The following HDAC9 variants were observed in gnomAD, a reference collection of about 807,000 sequenced individuals.
HDAC9 encodes histone deacetylase 9, also known as MEF-2 interacting transcription repressor (MITR) protein.
Under a neutral mutation model 139.4 loss-of-function variants are expected in HDAC9, and 41 were observed. That is an observed-to-expected ratio of 0.29 (90% CI 0.23 to 0.38). The LOEUF is 0.38. HDAC9 is among the 10% of genes least tolerant of loss of function. HDAC9 has a pLI of 1.00. For missense variants in HDAC9, 1,147 were observed against 1,297.0 expected, an observed-to-expected ratio of 0.88 and a Z score of 1.78; for synonymous variants, 517 against 476.2, an observed-to-expected ratio of 1.09 and a Z score of -1.12.
chr7:18,912,545 T>C (rs1284345692), intron 22 of HDAC9, among the ~76,000 whole-genome samples: 1 of 152,076 alleles, frequency 6.6e-6, no homozygotes, highest in Non-Finnish European at 1.5e-5. Flanking sequence ...CTGGGGATTA[T>C]TTGGCAGTAT....
intron 19 of HDAC9, among the ~76,000 whole-genome samples, chr7:18,833,573 C>G (rs973739196): frequency 6.6e-6 from 1 of 152,146 alleles, no homozygotes; most frequent in African/African-American, 2.4e-5. Context: ...TTGTTTCACC[C>G]TTGTTTACAT....
intron 23 of HDAC9, among the ~76,000 whole-genome samples, chr7:18,945,447 G>A (rs143742232): frequency 3.7e-4 from 57 of 152,170 alleles, no homozygotes; most frequent in African/African-American, 1.2e-3. Context: ...TCTTTTCACC[G>A]TCTTAAAGGT....
At chr7:18,434,989 C>G (rs1317187780) in intron 1 of HDAC9, among the ~76,000 whole-genome samples, 1 of 136,064 alleles carries the variant, frequency 7.3e-6, no homozygotes, top group African/African-American at 2.8e-5. Context: ...TGTAATCAAC[C>G]TATATGTCCA....
chr7:18,881,263 G>C (rs1035678400), intron 22 of HDAC9, among the ~76,000 whole-genome samples: 1 of 151,972 alleles, frequency 6.6e-6, no homozygotes, highest in Non-Finnish European at 1.5e-5. Context: ...TTTAACTCCA[G>C]TTATTACAGA....
At chr7:18,752,841 G>A (rs1788566448) in intron 14 of HDAC9, among the ~76,000 whole-genome samples, 1 of 152,108 alleles carries the variant, frequency 6.6e-6, no homozygotes, top group Admixed American at 6.6e-5. Flanking sequence ...GCCACTTCTG[G>A]TAAGAAGGGT....
At chr7:18,168,897 T>TTGTGTGTGTGTG (rs1201294435) in intron 2 of HDAC9, among the ~76,000 whole-genome samples, 9 of 94,330 alleles carry the variant, frequency 9.5e-5, no homozygotes, top group African/African-American at 4.0e-4. Flanking sequence ...TTTTTTTTTT[T>TTGTGTGTGTGTG]TGTGTGTGTG....
At chr7:18,920,337 T>C (rs1172314554) in intron 22 of HDAC9, among the ~76,000 whole-genome samples, 1 of 152,184 alleles carries the variant, frequency 6.6e-6, no homozygotes, top group Non-Finnish European at 1.5e-5. Flanking sequence ...TTTTACACAT[T>C]GATTTTGTAT....
intron 1 of HDAC9, among the ~76,000 whole-genome samples, chr7:18,149,834 A>G (rs192763258): frequency 1.1e-3 from 161 of 152,204 alleles, no homozygotes; most frequent in Non-Finnish European, 1.3e-3. Flanking sequence ...GATTACAGGC[A>G]TAAGCCACTG....
At chr7:18,142,278 A>T (rs1019554359) in intron 1 of HDAC9, among the ~76,000 whole-genome samples, 2 of 152,210 alleles carry the variant, frequency 1.3e-5, no homozygotes, top group African/African-American at 2.4e-5. Flanking sequence ...AATTTGGCCC[A>T]ATGAAACAAC....
intron 1 of HDAC9, among the ~76,000 whole-genome samples, chr7:18,102,637 C>G (rs1181563995): frequency 6.6e-6 from 1 of 152,228 alleles, no homozygotes; most frequent in East Asian, 1.9e-4. Flanking sequence ...CCTAGTCTCT[C>G]TTTTCCCCAC....
At chr7:18,174,991 C>T (rs1788768178) in intron 2 of HDAC9, among the ~76,000 whole-genome samples, 1 of 152,208 alleles carries the variant, frequency 6.6e-6, no homozygotes, top group Non-Finnish European at 1.5e-5. Flanking sequence ...CTCTTCAGGC[C>T]TGTCAGAAGG....
intron 22 of HDAC9, among the ~76,000 whole-genome samples, chr7:18,923,753 G>A (rs551970052): frequency 1.6e-4 from 24 of 152,082 alleles, no homozygotes; most frequent in African/African-American, 5.8e-4. Context: ...AAGACCTCTG[G>A]CATAATAAAG....
At chr7:18,562,903 A>G (rs989990673) in intron 2 of HDAC9, among the ~76,000 whole-genome samples, 20 of 152,116 alleles carry the variant, frequency 1.3e-4, no homozygotes, top group Non-Finnish European at 5.9e-5. Context: ...TCATTCGTTT[A>G]GATCTCCTTT....
chr7:18,638,366 A>G lies in HDAC9; in HGVS notation c.912+3624A>G, dbSNP rs77094768. The stretch of plus-strand genomic sequence containing the variant: ...AATTCACATGTCCTGCCTAATTTAG[A>G]TAAAGGGAAGACAGAAGTAGGAGGA... On this transcript the variant is annotated intron_variant, in intron 8 of 25. Coordinates refer to ENST00000686413, the MANE Select transcript of HDAC9 (RefSeq NM_178425.4). Among the ~76,000 whole-genome samples the G allele has an allele frequency of 4.3e-3, 658 of 152,196 alleles. 4 individuals are homozygous for G. The highest frequency in any genetic ancestry group is 0.015 in the African/African-American group (632 of 41,536).
chr7:18,169,023 C>T (rs1180133369), intron 2 of HDAC9, among the ~76,000 whole-genome samples: 5 of 151,214 alleles, frequency 3.3e-5, no homozygotes, highest in South Asian at 2.1e-4. Context: ...CTGCAACCTC[C>T]GCCTCTTGGG....
At chr7:18,439,019 A>T (rs1791495423) in intron 1 of HDAC9, among the ~76,000 whole-genome samples, 1 of 152,114 alleles carries the variant, frequency 6.6e-6, no homozygotes, top group African/African-American at 2.4e-5. Context: ...CATCCTTAGT[A>T]TTTGTACTTC....
At chr7:18,665,681 A>G (rs529438877) in intron 11 of HDAC9, among the ~76,000 whole-genome samples, 36 of 152,238 alleles carry the variant, frequency 2.4e-4, no homozygotes, top group Non-Finnish European at 4.4e-4. Flanking sequence ...TCTTACAAAT[A>G]TATATAAGAA....
At chr7:18,643,202 G>T (rs1786291743) in intron 8 of HDAC9, among the ~76,000 whole-genome samples, 1 of 152,048 alleles carries the variant, frequency 6.6e-6, no homozygotes, top group Non-Finnish European at 1.5e-5. Flanking sequence ...TTTGTGTACA[G>T]CAAGTATGCA....
At chr7:18,765,091 C>A (rs1562925185) in intron 15 of HDAC9, among the ~76,000 whole-genome samples, 2 of 152,048 alleles carry the variant, frequency 1.3e-5, no homozygotes, top group Non-Finnish European at 2.9e-5. Context: ...TGAGGCTAGC[C>A]AAATTTCAGT....
Sources: allele counts gnomAD v4.1 joint callset (sites outside exome capture counted in the v4.1 genomes callset), GRCh38; gene constraint gnomAD v4.1.1; transcripts MANE v1.5; gene names NCBI Gene and HGNC (gene_info 2026-07-23, HGNC 2026-07-21).